RTN1: variants seen among roughly 807,000 people sequenced by gnomAD.
RTN1 encodes the protein reticulon-1.
In RTN1, 25 loss-of-function variants were observed where a neutral mutation model predicts 65.5. The ratio of observed to expected loss-of-function variants is 0.38; its 90% CI spans 0.28 to 0.53. The LOEUF is 0.53. RTN1 is among the 20% of genes least tolerant of loss of function. RTN1 has a pLI of 0.79. For missense variants in RTN1, 983 were observed against 1,025.4 expected, an observed-to-expected ratio of 0.96 and a Z score of 0.57; for synonymous variants, 471 against 447.6, an observed-to-expected ratio of 1.05 and a Z score of -0.66.
chr14:59,809,005 T>A (rs1886684310), intron 1 of RTN1, among the ~76,000 whole-genome samples: 1 of 152,226 alleles, frequency 6.6e-6, no homozygotes, highest in South Asian at 2.1e-4. Context: ...GTCTTAGGTA[T>A]TTCTTTAAAG....
chr14:59,870,545 T>TC lies in RTN1; in HGVS notation c.85dup (p.Glu29GlyfsTer83). On this transcript the variant is annotated frameshift_variant, in exon 1 of 9. Coordinates refer to ENST00000267484, the MANE Select transcript of RTN1 (RefSeq NM_021136.3). LOFTEE classifies it high-confidence loss of function. The surrounding 1 kb of genome is among the most constrained non-coding windows in gnomAD (Gnocchi z 5.1). ...CCCTTTCGGCGTCACCGCTTCGTTC[T>TC]CCCCCTCCCCCCGGTGCCTGAGCCA... The TC allele has an allele frequency of 6.9e-7, 1 of 1,456,592 alleles. No individual in the cohort carries two copies. The highest frequency in any genetic ancestry group is 3.1e-5 in the East Asian group (1 of 32,732). 90.2% of individuals were successfully genotyped at this position (1,456,592 alleles called of 1,614,324 possible).
intron 3 of RTN1, among the ~76,000 whole-genome samples, chr14:59,659,070 G>C (rs11622802): frequency 6.6e-6 from 1 of 151,812 alleles, no homozygotes; most frequent in Non-Finnish European, 1.5e-5. Flanking sequence ...AACACAGCAA[G>C]AGAACTTCGT....
At chr14:59,630,340 A>G (rs1192615223) in intron 3 of RTN1, 2 of 1,414,952 alleles carry the variant, frequency 1.4e-6, no homozygotes, top group African/African-American at 2.8e-5. Flanking sequence ...GCTCTGGGGT[A>G]TAAAGCATGC....
chr14:59,789,682 A>G (rs749594251), intron 1 of RTN1, among the ~76,000 whole-genome samples: 11 of 152,112 alleles, frequency 7.2e-5, no homozygotes, highest in Non-Finnish European at 1.3e-4. Context: ...AAATCCTGCA[A>G]TTCAGAACTT....
intron 1 of RTN1, among the ~76,000 whole-genome samples, chr14:59,802,915 T>C (rs1202899909): frequency 6.6e-6 from 1 of 151,854 alleles, no homozygotes; most frequent in African/African-American, 2.4e-5. Flanking sequence ...AAAATGTAAA[T>C]ACCTCCTAGA....
intron 1 of RTN1, among the ~76,000 whole-genome samples, chr14:59,858,956 G>A (rs1483565799): frequency 6.6e-6 from 1 of 152,068 alleles, no homozygotes; most frequent in Non-Finnish European, 1.5e-5. Flanking sequence ...ATCCAAAACT[G>A]GATAAAATTA....
chr14:59,654,973 A>G (rs1408076549), intron 3 of RTN1, among the ~76,000 whole-genome samples: 1 of 152,218 alleles, frequency 6.6e-6, no homozygotes, highest in Non-Finnish European at 1.5e-5. Flanking sequence ...GCAATGAAAC[A>G]AGAAAAAGAA....
chr14:59,670,261 C>T (rs892951108), intron 3 of RTN1, among the ~76,000 whole-genome samples: 36 of 152,142 alleles, frequency 2.4e-4, no homozygotes, highest in Non-Finnish European at 4.6e-4. Flanking sequence ...ATAATGATCT[C>T]ATTAAACATT....
intron 1 of RTN1, among the ~76,000 whole-genome samples, chr14:59,751,063 A>G (rs953950080): frequency 2.9e-4 from 44 of 151,862 alleles, no homozygotes; most frequent in Non-Finnish European, 8.8e-5. Flanking sequence ...AAATATCAGT[A>G]TTGTGTGAAA....
chr14:59,727,416 G>A lies in RTN1; in HGVS notation c.1268C>T (p.Ala423Val), dbSNP rs1014346787. The A allele has an allele frequency of 4.5e-6, 7 of 1,549,858 alleles. No homozygotes were observed. The highest frequency in any genetic ancestry group is 4.8e-5 in the East Asian group (2 of 41,314). The change falls in exon 3 of 9, where the codon GCG (alanine) becomes GTG (valine). Residue 423 changes from alanine (A) to valine (V), a missense_variant. Coordinates refer to ENST00000267484, the MANE Select transcript of RTN1 (RefSeq NM_021136.3). This position sits in a 1 kb window ranked among gnomAD's most constrained non-coding sequence, Gnocchi z 4.2. ...ATAGCCTGAGGGCAGCGCGTCCTCC[G>A]CGGCCATGGGGTCCTCGGACACCAG... is the stretch of plus-strand genomic sequence containing the variant. ...IELVSEDPMA[A>V]EDALPSGYVS...
At chr14:59,750,836 C>T (rs1389367327) in intron 1 of RTN1, among the ~76,000 whole-genome samples, 1 of 144,148 alleles carries the variant, frequency 6.9e-6, no homozygotes, top group Non-Finnish European at 1.5e-5. Flanking sequence ...AGTTCACCCT[C>T]CCAAGTAACC....
intron 3 of RTN1, among the ~76,000 whole-genome samples, chr14:59,677,452 G>C (rs906934935): frequency 6.6e-6 from 1 of 152,168 alleles, no homozygotes; most frequent in Non-Finnish European, 1.5e-5. Flanking sequence ...AGGGACACGA[G>C]AAAGATTCAC....
intron 1 of RTN1, among the ~76,000 whole-genome samples, chr14:59,813,949 A>T (rs1474349696): frequency 1.3e-5 from 2 of 152,212 alleles, no homozygotes; most frequent in African/African-American, 4.8e-5. Context: ...GAGGAGATAA[A>T]ACAATTGGAA....
chr14:59,610,020 G>A (rs1881896639), intron 3 of RTN1: 2 of 706,340 alleles, frequency 2.8e-6, no homozygotes, highest in Admixed American at 4.2e-5. Flanking sequence ...CCACTTGTGA[G>A]ACGTGAAGGG....
chr14:59,712,615 T>G (rs998751001), intron 3 of RTN1, among the ~76,000 whole-genome samples: 29 of 152,214 alleles, frequency 1.9e-4, no homozygotes, highest in Admixed American at 7.2e-4. Context: ...TTGCAGAAAG[T>G]ATTCCTGCAT....
At chr14:59,642,033 G>A (rs1882791986) in intron 3 of RTN1, among the ~76,000 whole-genome samples, 1 of 151,792 alleles carries the variant, frequency 6.6e-6, no homozygotes, top group Non-Finnish European at 1.5e-5. Flanking sequence ...TTTATCTCAG[G>A]TCATGGCAAG....
intron 2 of RTN1, among the ~76,000 whole-genome samples, chr14:59,728,455 TC>T (rs891082979): frequency 1.3e-5 from 2 of 151,900 alleles, no homozygotes; most frequent in African/African-American, 4.8e-5. Flanking sequence ...TCACTCCTGG[TC>T]CCTGGATGAA....
chr14:59,828,289 G>T (rs532820009), intron 1 of RTN1, among the ~76,000 whole-genome samples: 1 of 152,308 alleles, frequency 6.6e-6, no homozygotes, highest in African/African-American at 2.4e-5. Context: ...CAATATTGAA[G>T]TATTGGGTTA....
intron 3 of RTN1, among the ~76,000 whole-genome samples, chr14:59,694,944 C>T (rs904481969): frequency 2.6e-5 from 4 of 152,172 alleles, no homozygotes; most frequent in Admixed American, 6.5e-5. Context: ...CAAACTGCTG[C>T]CCTGTGTAGG....
Sources: allele counts gnomAD v4.1 joint callset (sites outside exome capture counted in the v4.1 genomes callset), GRCh38; gene constraint gnomAD v4.1.1; non-coding constraint Gnocchi (gnomAD v3.1); transcripts MANE v1.5; gene names NCBI Gene and HGNC (gene_info 2026-07-23, HGNC 2026-07-21).